Variants in PRKG1 observed in about 807,000 individuals in gnomAD.
PRKG1 encodes protein kinase cGMP-dependent 1.
Under a neutral mutation model 88.1 loss-of-function variants are expected in PRKG1, and 35 were observed. The ratio of observed to expected loss-of-function variants is 0.40; its 90% CI spans 0.30 to 0.53. The LOEUF (loss-of-function observed/expected upper bound fraction) is 0.53. PRKG1 is among the 20% of genes least tolerant of loss of function. PRKG1 has a pLI of 0.59. For synonymous variants in PRKG1, 303 were observed against 292.5 expected, an observed-to-expected ratio of 1.04 and a Z score of -0.37; for missense variants, 540 against 839.8, an observed-to-expected ratio of 0.64 and a Z score of 4.41.
chr10:51,613,773 T>G (rs1838974526), intron 3 of PRKG1, among the ~76,000 whole-genome samples: 1 of 151,944 alleles, frequency 6.6e-6, no homozygotes, highest in Non-Finnish European at 1.5e-5. Flanking sequence ...TGTTTAATTT[T>G]AATATATTTG....
At chr10:51,896,507 G>A (rs778261189) in intron 4 of PRKG1, among the ~76,000 whole-genome samples, 2 of 151,422 alleles carry the variant, frequency 1.3e-5, no homozygotes, top group African/African-American at 2.4e-5. Flanking sequence ...CCAAGTGTTC[G>A]AGACAAGCCT....
chr10:51,609,319 T>G (rs965636396), intron 3 of PRKG1, among the ~76,000 whole-genome samples: 6 of 152,156 alleles, frequency 3.9e-5, no homozygotes, highest in Admixed American at 3.9e-4. Context: ...CCCTGCAAAC[T>G]CCATTCATTG....
At chr10:52,080,256 C>A (rs550194349) in intron 7 of PRKG1, among the ~76,000 whole-genome samples, 13 of 152,236 alleles carry the variant, frequency 8.5e-5, no homozygotes, top group Admixed American at 3.9e-4. Flanking sequence ...CTTATAAGGT[C>A]CTGCTCATCC....
chr10:51,240,712 G>C (rs1299807308), intron 2 of PRKG1, among the ~76,000 whole-genome samples: 3 of 152,298 alleles, frequency 2.0e-5, no homozygotes, highest in Admixed American at 2.0e-4. Context: ...TGAACACCAA[G>C]AGGGGCCTCC....
At chr10:52,217,317 T>TAC (rs1204478072) in intron 9 of PRKG1, among the ~76,000 whole-genome samples, 1 of 148,472 alleles carries the variant, frequency 6.7e-6, no homozygotes, top group Non-Finnish European at 1.5e-5. Flanking sequence ...AATATACATA[T>TAC]ACACACACAC....
rs1589124267 is a variant in PRKG1, at chr10:51,051,881, G to A, written c.266+60237G>A. Among the ~76,000 whole-genome samples the A allele has an allele frequency of 3.3e-5, 5 of 152,128 alleles. No homozygotes were observed. In the South Asian group the frequency reaches 1.0e-3, roughly 32 times the overall value. ...TAAGGCTTAAGAAAAATCGATTCAG[G>A]ATGATAATACCACAAGTAAATATTA... On this transcript the variant is annotated intron_variant, in intron 1 of 17. Coordinates refer to the PRKG1 transcript ENST00000401604.
chr10:51,874,357 A>T (rs1841237231), intron 4 of PRKG1, among the ~76,000 whole-genome samples: 1 of 152,230 alleles, frequency 6.6e-6, no homozygotes, highest in African/African-American at 2.4e-5. Context: ...CAGAAAACGT[A>T]AAAGTTAGAT....
chr10:51,461,534 T>G (rs1839744979), intron 2 of PRKG1, among the ~76,000 whole-genome samples: 1 of 152,144 alleles, frequency 6.6e-6, no homozygotes, highest in Non-Finnish European at 1.5e-5. Flanking sequence ...TTATTCAATG[T>G]CCAAAGAATG....
chr10:51,857,428 G>A (rs556504549), intron 4 of PRKG1, among the ~76,000 whole-genome samples: 21 of 152,200 alleles, frequency 1.4e-4, no homozygotes, highest in African/African-American at 5.1e-4. Flanking sequence ...ACCTGCTCGA[G>A]GACTTCAGAA....
rs547805650 is a variant in PRKG1 at position 51,370,872 on chromosome 10, T to A, written c.479-96851T>A. 3.0e-4 allele frequency among the ~76,000 whole-genome samples: 45 copies of A among 152,180 alleles called. No homozygotes were observed. In the Middle Eastern group the frequency reaches 0.01, roughly 35 times the overall value. ...CCAGTTCAGACTACCTACATGGCCA[T>A]GCGTAGGGACTGTAATGGACAGTGT... On this transcript the variant is annotated intron_variant, in intron 2 of 17. Transcript: ENST00000373980.
intron 7 of PRKG1, among the ~76,000 whole-genome samples, chr10:52,097,721 G>A (rs1215794307): frequency 6.6e-6 from 1 of 151,204 alleles, no homozygotes; most frequent in Non-Finnish European, 1.5e-5. Flanking sequence ...ACATCCTAAA[G>A]CTAATTATTT....
intron 1 of PRKG1, among the ~76,000 whole-genome samples, chr10:51,065,101 A>G (rs778256214): frequency 6.6e-6 from 1 of 152,146 alleles, no homozygotes; most frequent in Non-Finnish European, 1.5e-5. Flanking sequence ...CTTTCGAAAT[A>G]ATGTCAAATG....
At chr10:51,546,349 T>C (rs1420597431) in intron 3 of PRKG1, among the ~76,000 whole-genome samples, 1 of 152,108 alleles carries the variant, frequency 6.6e-6, no homozygotes, top group Admixed American at 6.6e-5. Context: ...TAATAGCTGT[T>C]GCAATTGTCT....
chr10:51,350,425 T>C (rs1035092698), intron 2 of PRKG1, among the ~76,000 whole-genome samples: 1 of 152,162 alleles, frequency 6.6e-6, no homozygotes, highest in African/African-American at 2.4e-5. Context: ...CTATATGGAA[T>C]GAACATACCT....
chr10:51,655,184 T>C (rs529300698), intron 3 of PRKG1, among the ~76,000 whole-genome samples: 108 of 152,264 alleles, frequency 7.1e-4, no homozygotes, highest in African/African-American at 2.5e-3. Flanking sequence ...TGGAAGAACT[T>C]TACTTTGTTC....
chr10:51,679,868 C>G (rs1205212870), intron 3 of PRKG1, among the ~76,000 whole-genome samples: 1 of 102,266 alleles, frequency 9.8e-6, no homozygotes, highest in African/African-American at 3.8e-5. Context: ...TGCTATCCCT[C>G]CCCCCTCCCC....
chr10:52,234,248 C>T (rs1332679887), intron 9 of PRKG1, among the ~76,000 whole-genome samples: 3 of 152,288 alleles, frequency 2.0e-5, no homozygotes, highest in South Asian at 4.1e-4. Context: ...AACTCTAAAA[C>T]GCAGAGTGTC....
intron 11 of PRKG1, 81 bp downstream of exon 11, chr10:52,271,570 C>T (rs1052242731): frequency 7.0e-7 from 1 of 1,427,560 alleles, no homozygotes; most frequent in Non-Finnish European, 9.4e-7. Flanking sequence ...CTTGTGCTCA[C>T]TGTTAACACA....
At chr10:51,880,616 G>A (rs1411780910) in intron 4 of PRKG1, among the ~76,000 whole-genome samples, 2 of 152,190 alleles carry the variant, frequency 1.3e-5, no homozygotes, top group Non-Finnish European at 2.9e-5. Flanking sequence ...ATTGGTTTTG[G>A]CTGTGTTAAT....
Sources: allele counts gnomAD v4.1 joint callset (sites outside exome capture counted in the v4.1 genomes callset), GRCh38; gene constraint gnomAD v4.1.1; transcripts MANE v1.5; gene names NCBI Gene and HGNC (gene_info 2026-07-23, HGNC 2026-07-21).